The following TTLL3 variants were observed in gnomAD, a reference collection of about 807,000 sequenced individuals.
TTLL3 encodes the protein tubulin tyrosine ligase like 3.
TTLL3 carries 63 observed loss-of-function variants against 75.2 expected under a neutral mutation model. The observed-to-expected ratio is 0.84, with a 90% CI of 0.68 to 1.03. The LOEUF is 1.03. Among genes scored for constraint, TTLL3 ranks in the 50% least tolerant of loss-of-function variants. The probability of loss-of-function intolerance (pLI) is 0.00; values close to 1 mark genes in which losing one functional copy is unlikely to be tolerated. For synonymous variants in TTLL3, 393 were observed against 418.5 expected (o/e 0.94, Z 0.74); for missense variants, 997 against 1,069.9 (o/e 0.93, Z 0.95).
At chr3:9,812,784 A>G in intron 2 of TTLL3, 159 bp from the exon 3 acceptor site, 1 of 842,294 alleles carries the variant, frequency 1.2e-6, no homozygotes, top group East Asian at 3.1e-5. Context: ...TACCATGCAT[A>G]TTTATTTCTC....
At chr3:9,828,807 C>T in intron 10 of TTLL3, 153 bp from the exon 11 acceptor site, 1 of 961,188 alleles carries the variant, frequency 1.0e-6, no homozygotes, top group Non-Finnish European at 1.5e-6. Context: ...GGGGCCCAGG[C>T]CTCTGTCCTT....
At position 9,834,842 on chromosome 3, in the gene TTLL3, G is replaced by T. The variant is rs754114246; in HGVS notation, c.1987G>T (p.Val663Phe). ...KALRTLPTAK[V>F]FISLPPNLDF... ...CTTGAGGACTCTACCCACGGCTAAG[G>T]TCTTCATTTCCCTCCCACCGAACCT... Residue 663 changes from valine (V) to phenylalanine (F), a missense_variant, in exon 13 of 14, where the codon GTC becomes TTC. Physicochemically the swap from Val to Phe is conservative, Grantham distance 50. Transcript: ENST00000685419. The T allele has an allele frequency of 8.7e-6, 14 of 1,614,164 alleles. No homozygotes were observed. Among genetic ancestry groups the T allele is most frequent in the Non-Finnish European group, 1.2e-5 (14 of 1,180,004 alleles).
chr3:9,834,960 A>C, intron 13 of TTLL3, 53 bp downstream of exon 13: 1 of 1,612,940 alleles, frequency 6.2e-7, no homozygotes, highest in Non-Finnish European at 8.5e-7. Flanking sequence ...GCACGGGGTC[A>C]GGGCTGGAGG....
rs1306566586 is a variant in TTLL3 at position 9,833,256 on chromosome 3, G to A, written c.1825+11G>A. On this transcript the variant is annotated intron_variant, in intron 12 of 13. Coordinates refer to ENST00000685419, the MANE Select transcript of TTLL3 (RefSeq NM_001387446.1). ...GAGGCTCTGGGGAAGGCAAGGACTC[G>A]GGGACCCCTACCCACAGGTCAGCTT... 13 of 1,613,272 alleles carry A rather than the reference G, an allele frequency of 8.1e-6. No individual in the cohort carries two copies. Among genetic ancestry groups the A allele is most frequent in the East Asian group, 4.5e-5 (2 of 44,866 alleles).
Position 9,827,142 on chromosome 3 carries a change from G to T in TTLL3, c.1149G>T (p.Trp383Cys), listed in dbSNP as rs778489176. ...IFGTKFDLRQ[W>C]FLVTDWNPLT... ...GCACCAAGTTTGACCTCAGACAGTG[G>T]TTCCTGGTAACTGACTGGAACCCAC... The change falls in exon 10 of 14, where the codon TGG (tryptophan) becomes TGT (cysteine). Residue 383 changes from tryptophan (W) to cysteine (C), a missense_variant. By Grantham distance (215) the Trp-to-Cys change is radical. Coordinates refer to ENST00000685419, the MANE Select transcript of TTLL3 (RefSeq NM_001387446.1). 3 of 1,614,222 alleles carry T rather than the reference G, an allele frequency of 1.9e-6. No individual in the cohort carries two copies. The African/African-American group carries it at 4.0e-5, about 22-fold the overall frequency.
At chr3:9,819,507 G>A in intron 7 of TTLL3, 17 of 988,650 alleles carry the variant, frequency 1.7e-5, no homozygotes, top group Non-Finnish European at 2.0e-5. Context: ...AGGAGTTCAG[G>A]TCTCTGAGGA....
chr3:9,817,888 C>A, intron 6 of TTLL3, 129 bp downstream of exon 6: 1 of 1,231,324 alleles, frequency 8.1e-7, no homozygotes, highest in Non-Finnish European at 1.1e-6. Context: ...ATTTCCCTTT[C>A]CACCCTCAAT....
rs752859510 is a variant in TTLL3 at position 9,829,334 on chromosome 3, T to C, written c.1622T>C (p.Val541Ala). ...AGVQADTLRVVIDRMLDRNCD... is the reference protein window; with the variant it reads ...AGVQADTLRVAIDRMLDRNCD... ...GTGCAAGCTGACACCCTGCGCGTGGTCATTGACCGGATGCTGGACCGCAAC... is the reference window on the plus strand; with the variant it reads ...GTGCAAGCTGACACCCTGCGCGTGGCCATTGACCGGATGCTGGACCGCAAC... Residue 541 changes from valine to alanine, a missense_variant, in exon 11 of 14, where the codon GTC (valine) becomes GCC (alanine). Transcript: ENST00000685419. 6.2e-7 allele frequency: 1 copy of C among 1,612,738 alleles called. No individual in the cohort carries two copies. The highest frequency in any genetic ancestry group is 2.2e-5 in the East Asian group (1 of 44,850).
intron 5 of TTLL3, chr3:9,817,323 C>T (rs996474874): frequency 3.5e-6 from 2 of 569,656 alleles, no homozygotes; most frequent in Non-Finnish European, 4.4e-6. Flanking sequence ...ACTCTGGAGG[C>T]CGAGGCAGGA....
intron 9 of TTLL3, 46 bp from the exon 10 acceptor site, chr3:9,826,951 G>A (rs367743143): frequency 1.9e-6 from 3 of 1,611,662 alleles, no homozygotes; most frequent in African/African-American, 1.3e-5. Flanking sequence ...CCTTCTCCTG[G>A]CCCACGCCTG....
chr3:9,827,370 C>T, intron 10 of TTLL3, 130 bp downstream of exon 10: 6 of 1,451,248 alleles, frequency 4.1e-6, no homozygotes, highest in Non-Finnish European at 5.5e-6. Context: ...GGCAGGCAGG[C>T]CCTCATCCTG....
At chr3:9,813,678 G>A (rs1419933262) in intron 4 of TTLL3, among the ~76,000 whole-genome samples, 1 of 152,170 alleles carries the variant, frequency 6.6e-6, no homozygotes, top group South Asian at 2.1e-4. Context: ...CCAGCTACTC[G>A]GGAGGCTAAG....
chr3:9,827,421 A>G, intron 10 of TTLL3, 181 bp downstream of exon 10: 1 of 1,164,452 alleles, frequency 8.6e-7, no homozygotes, highest in Non-Finnish European at 1.2e-6. Flanking sequence ...TTTAACAGAC[A>G]GGGGGCGGTC....
chr3:9,835,377 C>T lies in TTLL3; in HGVS notation c.2336C>T (p.Thr779Ile), dbSNP rs777513217. ...RFPTALVLDPTPNKKKQVKYL... is the reference protein window; with the variant it reads ...RFPTALVLDPIPNKKKQVKYL... The stretch of plus-strand genomic sequence containing the variant: ...CCCACTGCCCTTGTCCTGGATCCAA[C>T]ACCAAATAAAAAGAAACAAGTGAAG... Residue 779 changes from threonine to isoleucine, a missense_variant, in exon 14 of 14, where the codon ACA becomes ATA. Physicochemically the swap from Thr to Ile is moderately conservative, Grantham distance 89. Transcript: ENST00000685419. 10 of 1,614,100 alleles carry T rather than the reference C, an allele frequency of 6.2e-6. No individual in the cohort carries two copies. The South Asian group carries it at 9.9e-5, about 16-fold the overall frequency.
intron 6 of TTLL3, 124 bp from the exon 7 acceptor site, chr3:9,818,698 C>T: frequency 1.3e-6 from 2 of 1,560,470 alleles, no homozygotes; most frequent in South Asian, 2.4e-5. Context: ...AACTCAGGCT[C>T]TAGAGTCAGA....
At chr3:9,818,142 T>C (rs2080065187) in intron 6 of TTLL3, 1 of 183,418 alleles carries the variant, frequency 5.5e-6, no homozygotes. Context: ...TTCCACAATA[T>C]GTTCTAAATT....
Position 9,834,662 on chromosome 3 carries a change from G to C in TTLL3, c.1826-19G>C, listed in dbSNP as rs773089892. 1 of 1,613,654 alleles carries C rather than the reference G, an allele frequency of 6.2e-7. No homozygotes were observed. The highest frequency in any genetic ancestry group is 8.5e-7 in the Non-Finnish European group (1 of 1,179,870). On this transcript the variant is annotated intron_variant, in intron 12 of 13. Transcript: ENST00000685419. ...TTGGGCCCCACCCCAGGGCCTCACA[G>C]CTTCTCTTGCTCCCACAGCCCGTCA...
At chr3:9,813,190 C>A in intron 3 of TTLL3, 58 bp from the exon 4 acceptor site, 1 of 1,613,258 alleles carries the variant, frequency 6.2e-7, no homozygotes, top group East Asian at 2.2e-5. Context: ...GAGTTGAGGC[C>A]TTATGGGCTA....
intron 7 of TTLL3, chr3:9,819,245 C>T: frequency 3.1e-6 from 1 of 322,456 alleles, no homozygotes; most frequent in Non-Finnish European, 5.9e-6. Flanking sequence ...CATCTATCCA[C>T]TCCCTGCCTA....
Sources: gnomAD v4.1 joint callset for allele counts (sites outside exome capture counted in the v4.1 genomes callset) on GRCh38, gnomAD v4.1.1 for gene constraint, MANE v1.5 for transcripts, NCBI Gene and HGNC (gene_info 2026-07-23, HGNC 2026-07-21) for gene names.